Variants in PDE1A observed in about 807,000 individuals in gnomAD.
PDE1A encodes dual specificity calcium/calmodulin-dependent 3',5'-cyclic nucleotide phosphodiesterase 1A.
A neutral mutation model predicts 61.7 loss-of-function variants in PDE1A; 35 were observed. The ratio of observed to expected loss-of-function variants is 0.57; its 90% CI spans 0.43 to 0.75. PDE1A has a LOEUF of 0.75. Among genes scored for constraint, PDE1A ranks in the 30% least tolerant of loss-of-function variants. The pLI, the probability that PDE1A is intolerant of heterozygous loss-of-function variation, is 0.00. For missense variants in PDE1A, 597 were observed against 630.6 expected (o/e 0.95, Z 0.57); for synonymous variants, 232 against 213.2 (o/e 1.09, Z -0.77).
At chr2:182,494,485 TAACTGTTTAAGA>T in intron 2 of PDE1A, among the ~76,000 whole-genome samples, 1 of 152,212 alleles carries the variant, frequency 6.6e-6, no homozygotes, top group South Asian at 2.1e-4. Flanking sequence ...CAGACATGAG[TAACTGTTTAAGA>T]AACATACTGA....
chr2:182,163,937 T>C (rs1371861449), downstream of PDE1A, among the ~76,000 whole-genome samples: 1 of 152,124 alleles, frequency 6.6e-6, no homozygotes, highest in Non-Finnish European at 1.5e-5. Context: ...TGAATCACAA[T>C]AGAGGTCTTT....
downstream of PDE1A, among the ~76,000 whole-genome samples, chr2:182,163,533 C>A (rs1431098182): frequency 1.3e-5 from 2 of 152,114 alleles, no homozygotes; most frequent in Non-Finnish European, 2.9e-5. Context: ...TGTCAGGGGG[C>A]AGGAAATAAA....
Position 182,381,717 on chromosome 2 carries a change from C to T in PDE1A, c.53+44861G>A, listed in dbSNP as rs182324141. Reference sequence around the variant, plus strand: ...ATCTCAGCTACTCAGGAGGCTGAGGCGGGAGAATCGCTTGAACCCAGGAGG... The same window carrying T: ...ATCTCAGCTACTCAGGAGGCTGAGGTGGGAGAATCGCTTGAACCCAGGAGG... On this transcript the variant is annotated intron_variant, in intron 1 of 13. Transcript: ENST00000351439. Among the ~76,000 whole-genome samples, 789 of 152,034 alleles carry T rather than the reference C, an allele frequency of 5.2e-3. 7 individuals carry two copies. The highest frequency in any genetic ancestry group is 1.0e-2 in the Non-Finnish European group (679 of 67,978).
chr2:182,362,566 T>C (rs184142558), intron 1 of PDE1A, among the ~76,000 whole-genome samples: 249 of 152,134 alleles, frequency 1.6e-3, no homozygotes, highest in African/African-American at 5.7e-3. Flanking sequence ...ATGCCTAATA[T>C]ATTGTTTCTC....
the PDE1A span, among the ~76,000 whole-genome samples, chr2:182,704,222 A>C: frequency 6.6e-6 from 1 of 150,526 alleles, no homozygotes; most frequent in Non-Finnish European, 1.5e-5. Flanking sequence ...AAAAAAAAAA[A>C]AAACAAAAAA....
chr2:182,545,322 C>T, the PDE1A span, among the ~76,000 whole-genome samples: 2 of 152,178 alleles, frequency 1.3e-5, no homozygotes, highest in Admixed American at 1.3e-4. Context: ...TAGACCCCAC[C>T]CCATGGGCTC....
the PDE1A span, among the ~76,000 whole-genome samples, chr2:182,546,187 A>C: frequency 4.4e-3 from 667 of 152,234 alleles, 2 homozygotes; most frequent in African/African-American, 0.015. Flanking sequence ...TACCAAGAAG[A>C]AGCAGGAGAG....
chr2:182,580,545 G>A, the PDE1A span, among the ~76,000 whole-genome samples: 1 of 152,120 alleles, frequency 6.6e-6, no homozygotes, highest in East Asian at 1.9e-4. Flanking sequence ...AGTGCTGCAG[G>A]TTAGAACTTC....
At chr2:182,596,843 G>C in the PDE1A span, among the ~76,000 whole-genome samples, 8 of 152,096 alleles carry the variant, frequency 5.3e-5, no homozygotes, top group Admixed American at 2.0e-4. Context: ...GTGAAGAATA[G>C]AACTTTCATA....
chr2:182,571,164 TGAG>T, the PDE1A span, among the ~76,000 whole-genome samples: 1 of 152,192 alleles, frequency 6.6e-6, no homozygotes, highest in Non-Finnish European at 1.5e-5. Flanking sequence ...TTCCTGATTA[TGAG>T]AAGAATGGTA....
At chr2:182,640,123 A>G in the PDE1A span, among the ~76,000 whole-genome samples, 2 of 152,366 alleles carry the variant, frequency 1.3e-5, no homozygotes, top group South Asian at 4.1e-4. Flanking sequence ...ACAAAAACCA[A>G]AGCATGGGCT....
intron 2 of PDE1A, among the ~76,000 whole-genome samples, chr2:182,500,308 A>G (rs750838984): frequency 2.0e-5 from 3 of 152,192 alleles, no homozygotes; most frequent in Non-Finnish European, 2.9e-5. Context: ...ATAGAACTAC[A>G]TTGGGAGGAG....
rs117314492 is a variant in PDE1A at position 182,439,948 on chromosome 2, T to C, written c.101+82328A>G. 5.8e-4 allele frequency among the ~76,000 whole-genome samples: 88 copies of C among 152,192 alleles called. 1 individual carries two copies. The East Asian group carries it at 0.017, about 30-fold the overall frequency. ...GAGGATATTTTCTTTTGGGAGGACA[T>C]GTGTAGGAACACAACAGAAATATAA... On this transcript the variant is annotated intron_variant, in intron 2 of 14. Coordinates refer to the PDE1A transcript ENST00000410103.
At chr2:182,484,908 CTGTT>C (rs1252234058) in intron 2 of PDE1A, among the ~76,000 whole-genome samples, 1 of 151,984 alleles carries the variant, frequency 6.6e-6, no homozygotes, top group Non-Finnish European at 1.5e-5. Flanking sequence ...CGTTTATACA[CTGTT>C]TGTGGGAATG....
rs188681731 is a variant in PDE1A, at chr2:182,323,381, A to G, written c.54-58967T>C. 1.8e-4 allele frequency among the ~76,000 whole-genome samples: 28 copies of G among 152,358 alleles called. No individual in the cohort carries two copies. In the East Asian group the frequency reaches 5.0e-3, roughly 27 times the overall value. On this transcript the variant is annotated intron_variant, in intron 1 of 13. Coordinates refer to ENST00000351439, the Ensembl canonical transcript of PDE1A. ...TTTCTATCAATGGGACTCAGTCACA[A>G]GAGTTCTAAAGAGAAGTTCTTCATT...
chr2:182,647,451 A>T, the PDE1A span, among the ~76,000 whole-genome samples: 2 of 152,188 alleles, frequency 1.3e-5, no homozygotes, highest in Non-Finnish European at 2.9e-5. Context: ...TTCCTATGGT[A>T]TCTTTATGTG....
At chr2:182,289,799 C>CT (rs1196308226) in intron 1 of PDE1A, among the ~76,000 whole-genome samples, 1 of 151,990 alleles carries the variant, frequency 6.6e-6, no homozygotes, top group African/African-American at 2.4e-5. Flanking sequence ...CTACGAGTTA[C>CT]TTTTTTGATG....
intron 1 of PDE1A, among the ~76,000 whole-genome samples, chr2:182,416,429 T>C (rs533722860): frequency 5.9e-5 from 9 of 152,354 alleles, no homozygotes; most frequent in African/African-American, 1.9e-4. Context: ...TTCAATAATG[T>C]GACATCGTTC....
At chr2:182,287,872 T>C (rs1352035766) in intron 1 of PDE1A, among the ~76,000 whole-genome samples, 1 of 152,152 alleles carries the variant, frequency 6.6e-6, no homozygotes. Context: ...GAAGGAAATT[T>C]TATATTTATG....
Sources: allele counts gnomAD v4.1 joint callset (sites outside exome capture counted in the v4.1 genomes callset), GRCh38; gene constraint gnomAD v4.1.1; transcripts MANE v1.5; gene names NCBI Gene and HGNC (gene_info 2026-07-23, HGNC 2026-07-21).